DNAH9: variants seen among roughly 807,000 people sequenced by gnomAD.
DNAH9 encodes dynein axonemal heavy chain 9.
A neutral mutation model predicts 471.6 loss-of-function variants in DNAH9; 345 were observed. The observed-to-expected ratio is 0.73, with a 90% CI of 0.67 to 0.80. The LOEUF (loss-of-function observed/expected upper bound fraction) is 0.80, where lower values mean the gene tolerates loss of function less well. Among genes scored for constraint, DNAH9 ranks in the 30% least tolerant of loss-of-function variants. The probability of loss-of-function intolerance (pLI) is 0.00; values close to 1 mark genes in which losing one functional copy is unlikely to be tolerated. For synonymous variants in DNAH9, 2,093 were observed against 2,123.6 expected (o/e 0.99, Z 0.40); for missense variants, 5,407 against 5,609.2 (o/e 0.96, Z 1.15).
rs536250874 is a variant in DNAH9 at position 11,735,688 on chromosome 17, G to A, written c.5815-3192G>A. On this transcript the variant is annotated intron_variant, in intron 28 of 68. Coordinates refer to ENST00000262442, the MANE Select transcript of DNAH9 (RefSeq NM_001372.4). ...CTGACCTCGTGATCCGCCCGCCTCG[G>A]CCTCCCAAAGTGCTGGGATTACAGA... is the stretch of plus-strand genomic sequence containing the variant. Among the ~76,000 whole-genome samples, 122 of 152,270 alleles carry A rather than the reference G, an allele frequency of 8.0e-4. 3 individuals carry two copies. The highest frequency in any genetic ancestry group is 1.5e-4 in the Non-Finnish European group (10 of 68,016).
intron 48 of DNAH9, among the ~76,000 whole-genome samples, chr17:11,828,201 C>T (rs533195327): frequency 3.3e-5 from 5 of 152,090 alleles, no homozygotes; most frequent in South Asian, 2.1e-4. Context: ...AGGCTGGGTG[C>T]GGTGGCTCAC....
At chr17:11,706,220 A>G (rs1238150564) in intron 26 of DNAH9, among the ~76,000 whole-genome samples, 2 of 152,172 alleles carry the variant, frequency 1.3e-5, no homozygotes, top group Non-Finnish European at 2.9e-5. Flanking sequence ...TAACTGGCAC[A>G]TTTATTCAGT....
intron 50 of DNAH9, among the ~76,000 whole-genome samples, chr17:11,858,442 T>C (rs1178791164): frequency 6.6e-6 from 1 of 152,216 alleles, no homozygotes; most frequent in African/African-American, 2.4e-5. Flanking sequence ...TTTAGGTCAG[T>C]CTAAAAATAA....
At chr17:11,787,556 C>T (rs1968916729) in intron 41 of DNAH9, among the ~76,000 whole-genome samples, 1 of 152,184 alleles carries the variant, frequency 6.6e-6, no homozygotes, top group African/African-American at 2.4e-5. Context: ...TGTTGTTTTC[C>T]TTTATCTGGC....
At position 11,598,775 on chromosome 17, in the gene DNAH9, T is replaced by C. The variant is rs775169501; in HGVS notation, c.277T>C (p.Ser93Pro). The change falls in exon 1 of 69, where the codon TCG becomes CCG. Residue 93 changes from serine (S) to proline (P), a missense_variant. This residue lies in a region of DNAH9 where 767 missense variants were observed against 692.5 expected (regional missense o/e 1.11). Transcript: ENST00000262442. ...IRPGLEVGPE[S>P]GLAGAKALFF... ...CCCCGGGCTGGAGGTGGGACCTGAG[T>C]CGGGCCTGGCTGGCGCTAAGGCGCT... is the stretch of plus-strand genomic sequence containing the variant. 5.5e-6 allele frequency: 8 copies of C among 1,460,012 alleles called. No individual in the cohort carries two copies. The highest frequency in any genetic ancestry group is 1.3e-5 in the South Asian group (1 of 76,214). 90.4% of individuals were successfully genotyped at this position (1,460,012 alleles called of 1,614,324 possible). A position where few individuals can be genotyped will look rare whatever the true frequency, so the allele number is the denominator to read the frequency against.
intron 66 of DNAH9, among the ~76,000 whole-genome samples, chr17:11,939,438 T>C (rs1974825212): frequency 6.6e-6 from 1 of 152,210 alleles, no homozygotes; most frequent in African/African-American, 2.4e-5. Flanking sequence ...AGAAATGATA[T>C]GAACTGTGAT....
intron 31 of DNAH9, among the ~76,000 whole-genome samples, chr17:11,746,711 C>A (rs1966893818): frequency 6.6e-6 from 1 of 152,126 alleles, no homozygotes; most frequent in Non-Finnish European, 1.5e-5. Flanking sequence ...TTAAAAGGAG[C>A]TCAGAATCTC....
chr17:11,762,162 T>A (rs1413066827), intron 35 of DNAH9, among the ~76,000 whole-genome samples: 1 of 152,232 alleles, frequency 6.6e-6, no homozygotes, highest in African/African-American at 2.4e-5. Flanking sequence ...GTTGTAAGAA[T>A]TGCAATTAGA....
intron 35 of DNAH9, among the ~76,000 whole-genome samples, chr17:11,762,788 T>TTTTTTTG (rs1967761257): frequency 4.1e-5 from 5 of 121,182 alleles, no homozygotes; most frequent in African/African-American, 1.3e-4. Context: ...TTTTTTTTTT[T>TTTTTTTG]TTTTTTTTTG....
rs559043166 is a variant in DNAH9, at chr17:11,805,256, TCAAAC to T, written c.8421-2473_8421-2469del. On this transcript the variant is annotated intron_variant, in intron 43 of 68. Coordinates refer to ENST00000262442, the MANE Select transcript of DNAH9 (RefSeq NM_001372.4). ...AAGAAATTTGCAGAAATAAGAAACT[TCAAAC>T]CACAGAGGCTCAACACAAGCTCTGT... 7.2e-5 allele frequency among the ~76,000 whole-genome samples: 11 copies of T among 152,216 alleles called. No individual in the cohort carries two copies. The South Asian group carries it at 2.3e-3, about 32-fold the overall frequency.
intron 14 of DNAH9, among the ~76,000 whole-genome samples, chr17:11,658,533 T>C (rs567393736): frequency 9.9e-5 from 15 of 152,210 alleles, no homozygotes; most frequent in Non-Finnish European, 1.6e-4. Flanking sequence ...GGCTAGAACC[T>C]TCAGTATAAC....
rs748566686 is a variant in DNAH9 at position 11,769,217 on chromosome 17, T to C, written c.7440T>C (p.Ala2480=). Residue 2480 remains alanine, a synonymous_variant, in exon 38 of 69, where the codon GCT becomes GCC. Coordinates refer to ENST00000262442, the MANE Select transcript of DNAH9 (RefSeq NM_001372.4). ...RQRPVMLVGT[A]GTGKSVLVGA... is the part of the protein sequence containing the mutation. Reference sequence around the variant, plus strand: ...GGCCTGTCATGCTGGTGGGCACGGCTGGCACTGGCAAGTCGGTGCTGGTGG... The same window carrying C: ...GGCCTGTCATGCTGGTGGGCACGGCCGGCACTGGCAAGTCGGTGCTGGTGG... 9.3e-6 allele frequency: 15 copies of C among 1,614,076 alleles called. No individual in the cohort carries two copies. The highest frequency in any genetic ancestry group is 1.6e-4 in the Middle Eastern group (1 of 6,080).
At chr17:11,602,549 G>A (rs2072408265) in intron 1 of DNAH9, among the ~76,000 whole-genome samples, 1 of 152,140 alleles carries the variant, frequency 6.6e-6, no homozygotes, top group South Asian at 2.1e-4. Flanking sequence ...TGTCATCAAA[G>A]GACATCATCC....
intron 10 of DNAH9, among the ~76,000 whole-genome samples, chr17:11,644,324 A>T (rs943395487): frequency 2.6e-5 from 4 of 152,108 alleles, no homozygotes; most frequent in Non-Finnish European, 5.9e-5. Context: ...CCTTTTATTC[A>T]GATTTTTGAA....
rs1202290279 is a variant in DNAH9, at chr17:11,680,843, G to C, written c.3697G>C (p.Glu1233Gln). Residue 1233 changes from glutamate (E) to glutamine (Q), a missense_variant, in exon 19 of 69, where the codon GAA becomes CAA. Transcript: ENST00000262442. The part of the protein sequence containing the change: ...LRQRCTAFDA[E>Q]QQQFWEQFHK... The stretch of plus-strand genomic sequence containing the variant: ...CCAGAGGTGCACAGCCTTCGATGCA[G>C]AACAGCAGCAATTCTGGGAGCAATT... 2 of 1,613,414 alleles carry C rather than the reference G, an allele frequency of 1.2e-6. No homozygotes were observed. The highest frequency in any genetic ancestry group is 1.7e-6 in the Non-Finnish European group (2 of 1,179,760).
At chr17:11,724,895 G>T (rs1230669170) in intron 27 of DNAH9, among the ~76,000 whole-genome samples, 1 of 152,174 alleles carries the variant, frequency 6.6e-6, no homozygotes, top group Non-Finnish European at 1.5e-5. Context: ...TGTAGAATCA[G>T]TGGGGGCCCT....
intron 67 of DNAH9, among the ~76,000 whole-genome samples, chr17:11,959,870 T>C (rs1014024804): frequency 1.3e-5 from 2 of 152,234 alleles, no homozygotes; most frequent in Non-Finnish European, 2.9e-5. Flanking sequence ...ATGTTTGTAA[T>C]TCACACTGTA....
chr17:11,602,299 T>TCA (rs1438196304), intron 1 of DNAH9, among the ~76,000 whole-genome samples: 1 of 152,122 alleles, frequency 6.6e-6, no homozygotes, highest in Non-Finnish European at 1.5e-5. Context: ...GAATAGAGTG[T>TCA]CACACTGCAG....
rs113286637 is a variant in DNAH9 at position 11,710,586 on chromosome 17, T to C, written c.5552+5401T>C. ...TGGATGTCATTAATTGCTCATAGGT[T>C]GAACATTTTTATGTGTTTATTAGCT... On this transcript the variant is annotated intron_variant, in intron 26 of 68. Transcript: ENST00000262442. Among the ~76,000 whole-genome samples the C allele has an allele frequency of 1.1e-3, 175 of 152,340 alleles. 1 individual carries two copies. The highest frequency in any genetic ancestry group is 4.0e-3 in the African/African-American group (168 of 41,586).
Sources: allele counts gnomAD v4.1 joint callset (sites outside exome capture counted in the v4.1 genomes callset), GRCh38; gene constraint gnomAD v4.1.1; regional missense constraint gnomAD v4.1.1; transcripts MANE v1.5; gene names NCBI Gene and HGNC (gene_info 2026-07-23, HGNC 2026-07-21).